PRKCE: variants seen among roughly 807,000 people sequenced by gnomAD.
PRKCE encodes protein kinase C epsilon type.
A neutral mutation model predicts 85.4 loss-of-function variants in PRKCE; 16 were observed. That is an observed-to-expected ratio of 0.19 (90% CI 0.13 to 0.28). PRKCE has a LOEUF of 0.28. PRKCE is among the 10% of genes least tolerant of loss of function. The pLI, the probability that PRKCE is intolerant of heterozygous loss-of-function variation, is 1.00. For missense variants in PRKCE, 573 were observed against 975.2 expected (o/e 0.59, Z 5.49); for synonymous variants, 388 against 371.5 (o/e 1.04, Z -0.51).
chr2:46,016,589 A>T (rs1706170708), intron 10 of PRKCE, among the ~76,000 whole-genome samples: 2 of 152,138 alleles, frequency 1.3e-5, no homozygotes, highest in South Asian at 4.1e-4. Context: ...GAAACCTTAC[A>T]TTTGAATAGG....
At chr2:45,691,371 C>G (rs920368868) in intron 1 of PRKCE, among the ~76,000 whole-genome samples, 1 of 152,210 alleles carries the variant, frequency 6.6e-6, no homozygotes, top group South Asian at 2.1e-4. Flanking sequence ...TTATGGCCAC[C>G]AAGCTGGTGG....
chr2:45,804,945 CTTT>C (rs5830871), intron 1 of PRKCE, among the ~76,000 whole-genome samples: 4 of 133,510 alleles, frequency 3.0e-5, no homozygotes, highest in Non-Finnish European at 3.2e-5. Flanking sequence ...AACTCATCAA[CTTT>C]TTTTTTTTTT....
At position 46,154,032 on chromosome 2, in the gene PRKCE, G is replaced by A. The variant is rs573956843; in HGVS notation, c.1920+2803G>A. On this transcript the variant is annotated intron_variant, in intron 13 of 14. Transcript: ENST00000306156. Reference sequence around the variant, plus strand: ...CATCTCCTGACCTCGTGATCCGCCCGCCTCAGCCTCACAAAGTGCTGGGAT... The same window carrying A: ...CATCTCCTGACCTCGTGATCCGCCCACCTCAGCCTCACAAAGTGCTGGGAT... Among the ~76,000 whole-genome samples, 6 of 152,138 alleles carry A rather than the reference G, an allele frequency of 3.9e-5. No homozygotes were observed. The South Asian group carries it at 1.0e-3, about 26-fold the overall frequency.
rs559070389 is a variant in PRKCE, at chr2:46,018,413, T to A, written c.1437+7896T>A. Reference sequence around the variant, plus strand: ...CTGCTGGCCTCTACAGAGGTTACAGTGAGCCGAGATCCCGCCACTGCCCTC... The same window carrying A: ...CTGCTGGCCTCTACAGAGGTTACAGAGAGCCGAGATCCCGCCACTGCCCTC... On this transcript the variant is annotated intron_variant, in intron 10 of 14. Transcript: ENST00000306156. 2.0e-5 allele frequency among the ~76,000 whole-genome samples: 3 copies of A among 151,934 alleles called. No individual in the cohort carries two copies. The East Asian group carries it at 5.8e-4, about 29-fold the overall frequency.
At chr2:46,141,166 G>A (rs1375353771) in intron 11 of PRKCE, among the ~76,000 whole-genome samples, 1 of 152,048 alleles carries the variant, frequency 6.6e-6, no homozygotes, top group Non-Finnish European at 1.5e-5. Flanking sequence ...CCTCACATAT[G>A]TGCAAAATGT....
chr2:46,073,518 G>T, intron 10 of PRKCE: 1 of 152,418 alleles, frequency 6.6e-6, no homozygotes, highest in Non-Finnish European at 1.5e-5. Flanking sequence ...CTTCTCGGAG[G>T]TCCTGGCTTC....
chr2:45,942,342 C>A (rs1699943664), intron 2 of PRKCE, among the ~76,000 whole-genome samples: 1 of 152,152 alleles, frequency 6.6e-6, no homozygotes, highest in Non-Finnish European at 1.5e-5. Context: ...AGGAGAATGA[C>A]ATCATGTGGC....
At chr2:45,877,346 A>G (rs1694553886) in intron 2 of PRKCE, among the ~76,000 whole-genome samples, 1 of 152,092 alleles carries the variant, frequency 6.6e-6, no homozygotes, top group African/African-American at 2.4e-5. Flanking sequence ...TTAAACTTAC[A>G]TATTATCTTT....
At chr2:46,094,464 C>A (rs1334805635) in intron 11 of PRKCE, among the ~76,000 whole-genome samples, 1 of 152,142 alleles carries the variant, frequency 6.6e-6, no homozygotes, top group Non-Finnish European at 1.5e-5. Flanking sequence ...CAGATGAGAT[C>A]ATGTCCTTTG....
At chr2:45,744,485 CT>C (rs374409953) in intron 1 of PRKCE, among the ~76,000 whole-genome samples, 760 of 26,886 alleles carry the variant, frequency 0.028, 17 homozygotes, top group African/African-American at 0.067. Context: ...TTCTTTCTTT[CT>C]TTTTCTTTCT....
At chr2:45,916,699 A>C (rs1283279387) in intron 2 of PRKCE, among the ~76,000 whole-genome samples, 1 of 152,220 alleles carries the variant, frequency 6.6e-6, no homozygotes, top group East Asian at 1.9e-4. Flanking sequence ...CATACAGTCT[A>C]AACACAATAA....
chr2:45,672,497 G>T (rs1010800877), intron 1 of PRKCE, among the ~76,000 whole-genome samples: 1 of 152,212 alleles, frequency 6.6e-6, no homozygotes, highest in Non-Finnish European at 1.5e-5. Flanking sequence ...CAGCCTGTCA[G>T]TTTATTGGTC....
intron 10 of PRKCE, among the ~76,000 whole-genome samples, chr2:46,016,644 C>T (rs898164101): frequency 6.6e-6 from 1 of 152,146 alleles, no homozygotes; most frequent in African/African-American, 2.4e-5. Context: ...TGCAGTGGCT[C>T]ATGCCTGTAA....
At chr2:46,119,417 T>G (rs1673099349) in intron 11 of PRKCE, among the ~76,000 whole-genome samples, 1 of 151,922 alleles carries the variant, frequency 6.6e-6, no homozygotes, top group South Asian at 2.1e-4. Flanking sequence ...ATAAAGTGGG[T>G]GGGGGGAGAC....
At chr2:46,037,057 G>C (rs1228257336) in intron 10 of PRKCE, among the ~76,000 whole-genome samples, 1 of 152,168 alleles carries the variant, frequency 6.6e-6, no homozygotes, top group Non-Finnish European at 1.5e-5. Flanking sequence ...TGGCGTCCAG[G>C]ACACTTGGGT....
intron 1 of PRKCE, among the ~76,000 whole-genome samples, chr2:45,749,809 A>C (rs921714236): frequency 3.9e-5 from 6 of 152,016 alleles, no homozygotes; most frequent in Non-Finnish European, 8.8e-5. Flanking sequence ...GCTGCACTAA[A>C]CCCCCTGTTC....
In PRKCE at chr2:45,927,297, C is replaced by T. The variant is rs560047019; in HGVS notation, c.413-49132C>T. On this transcript the variant is annotated intron_variant, in intron 2 of 14. Transcript: ENST00000306156. ...TAGTTGGATTTTTGTGGTATTGGAA[C>T]CTAGAGAAGGGAAGGAGACGAGTAT... is the stretch of plus-strand genomic sequence containing the variant. Among the ~76,000 whole-genome samples, 3 of 152,214 alleles carry T rather than the reference C, an allele frequency of 2.0e-5. No homozygotes were observed. In the East Asian group the frequency reaches 5.8e-4, roughly 29 times the overall value.
chr2:45,910,050 C>CA (rs896402985), intron 2 of PRKCE, among the ~76,000 whole-genome samples: 2 of 151,936 alleles, frequency 1.3e-5, no homozygotes, highest in African/African-American at 4.8e-5. Flanking sequence ...ACCGCCCCCC[C>CA]CCAGCCAAGT....
intron 11 of PRKCE, among the ~76,000 whole-genome samples, chr2:46,137,549 G>C (rs530060005): frequency 6.7e-6 from 1 of 149,268 alleles, no homozygotes; most frequent in East Asian, 2.0e-4. Flanking sequence ...TCAGGAGTTC[G>C]AGACCAGCCT....
Sources: gnomAD v4.1 joint callset for allele counts (sites outside exome capture counted in the v4.1 genomes callset) on GRCh38, gnomAD v4.1.1 for gene constraint, MANE v1.5 for transcripts, NCBI Gene and HGNC (gene_info 2026-07-23, HGNC 2026-07-21) for gene names.